RXRG: variants seen among roughly 807,000 people sequenced by gnomAD.
RXRG encodes the protein retinoid X receptor gamma.
In RXRG, 19 loss-of-function variants were observed where a neutral mutation model predicts 49.2. The ratio of observed to expected loss-of-function variants is 0.39; its 90% CI spans 0.27 to 0.57. The LOEUF (loss-of-function observed/expected upper bound fraction) is 0.57. Ranked by LOEUF, RXRG falls within the 20% of genes least tolerant of loss-of-function variation. The probability of loss-of-function intolerance (pLI) is 0.64; values close to 1 mark genes in which losing one functional copy is unlikely to be tolerated. For synonymous variants in RXRG, 224 were observed against 216.6 expected (o/e 1.03, Z -0.30); for missense variants, 452 against 592.5 (o/e 0.76, Z 2.46).
At chr1:165,423,948 T>A (rs1658402995) in intron 2 of RXRG, among the ~76,000 whole-genome samples, 1 of 152,160 alleles carries the variant, frequency 6.6e-6, no homozygotes, top group Admixed American at 6.5e-5. Flanking sequence ...ATAATTCAGT[T>A]ATCAATAAAT....
intron 3 of RXRG, among the ~76,000 whole-genome samples, chr1:165,417,592 G>T (rs989525744): frequency 1.3e-5 from 2 of 152,058 alleles, no homozygotes; most frequent in African/African-American, 4.8e-5. Context: ...TGCTTGTCAC[G>T]TATTACCTAG....
rs376139661 is a variant in RXRG at position 165,407,193 on chromosome 1, G to A, written c.1139-276C>T. ...GCTTAATTTTATCCGGACCATTCTC[G>A]AAATATTACCTGCACACATTTACCG... On this transcript the variant is annotated intron_variant, in intron 8 of 9. Coordinates refer to ENST00000359842, the MANE Select transcript of RXRG (RefSeq NM_006917.5). Among the ~76,000 whole-genome samples the A allele has an allele frequency of 1.3e-3, 196 of 152,230 alleles. 4 individuals are homozygous for A. In the South Asian group the frequency reaches 0.035, roughly 27 times the overall value.
chr1:165,439,265 G>A (rs1007468711), intron 1 of RXRG, among the ~76,000 whole-genome samples: 1 of 129,154 alleles, frequency 7.7e-6, no homozygotes, highest in Non-Finnish European at 1.6e-5. Context: ...AGGGGAGGGG[G>A]GCGGGGGTGG....
intron 1 of RXRG, among the ~76,000 whole-genome samples, chr1:165,429,806 T>C (rs1245423040): frequency 3.3e-5 from 5 of 151,820 alleles, no homozygotes; most frequent in Non-Finnish European, 7.4e-5. Flanking sequence ...GGTGAGGAGG[T>C]CATCAGTATC....
intron 1 of RXRG, among the ~76,000 whole-genome samples, chr1:165,433,641 G>T (rs748789193): frequency 3.5e-4 from 54 of 152,218 alleles, no homozygotes; most frequent in Admixed American, 1.2e-3. Flanking sequence ...ATTTCCCCCA[G>T]TAAGGAGCTG....
intron 9 of RXRG, among the ~76,000 whole-genome samples, chr1:165,402,575 G>A (rs757417892): frequency 1.8e-4 from 28 of 151,548 alleles, no homozygotes; most frequent in Non-Finnish European, 3.4e-4. Flanking sequence ...CCATGTGCCC[G>A]CACACACATC....
At chr1:165,410,285 C>A (rs1193118154) in intron 6 of RXRG, among the ~76,000 whole-genome samples, 1 of 152,076 alleles carries the variant, frequency 6.6e-6, no homozygotes, top group Admixed American at 6.5e-5. Context: ...AAATAGGAGG[C>A]AAAAGAAAAT....
Position 165,411,090 on chromosome 1 carries a change from C to T in RXRG, c.642G>A (p.Gln214=). The T allele has an allele frequency of 6.2e-7, 1 of 1,614,048 alleles. No individual in the cohort carries two copies. Among genetic ancestry groups the T allele is most frequent in the Non-Finnish European group, 8.5e-7 (1 of 1,179,962 alleles). Residue 214 remains glutamine (Q), a synonymous_variant, in exon 5 of 10, where the codon CAG becomes CAA. Transcript: ENST00000359842. ...CACTCTCAGCTCGCTCTCGGCTCCT[C>T]TGTCTTTCTTCTTGCACAGCTGACA... is the stretch of plus-strand genomic sequence containing the variant. The part of the protein sequence containing the change: ...MKREAVQEER[Q]RSRERAESEA...
In RXRG at chr1:165,428,905, C is replaced by A. The variant is rs374305512; in HGVS notation, c.111G>T (p.Lys37Asn). 2 of 1,613,920 alleles carry A rather than the reference C, an allele frequency of 1.2e-6. No homozygotes were observed. The highest frequency in any genetic ancestry group is 8.5e-7 in the Non-Finnish European group (1 of 1,179,962). Residue 37 changes from lysine (K) to asparagine (N), a missense_variant, in exon 2 of 10, where the codon AAG becomes AAT. By Grantham distance (94) the Lys-to-Asn change is moderately conservative. Transcript: ENST00000359842. The stretch of plus-strand genomic sequence containing the variant: ...TGTAGCTGGGGTGGCTGTCCATTGG[C>A]TTCCCTGTGGACAAGGCTGCTGATG... ...MSPSAALSTG[K>N]PMDSHPSYTD...
chr1:165,427,550 C>T (rs1658528585), intron 2 of RXRG, among the ~76,000 whole-genome samples: 1 of 152,228 alleles, frequency 6.6e-6, no homozygotes, highest in Non-Finnish European at 1.5e-5. Context: ...TCAAGCAATT[C>T]TCCTGCCTCA....
chr1:165,431,614 C>A (rs2101738331), intron 1 of RXRG, among the ~76,000 whole-genome samples: 1 of 152,296 alleles, frequency 6.6e-6, no homozygotes, highest in South Asian at 2.1e-4. Flanking sequence ...GACCACCCTG[C>A]AACTTTCCTT....
chr1:165,404,927 T>G (rs1657697414), intron 9 of RXRG, among the ~76,000 whole-genome samples: 1 of 152,082 alleles, frequency 6.6e-6, no homozygotes, highest in Admixed American at 6.6e-5. Context: ...CCTGGCTAAT[T>G]TTTGTATTAT....
chr1:165,422,547 G>C (rs982327278), intron 2 of RXRG, among the ~76,000 whole-genome samples: 8 of 152,220 alleles, frequency 5.3e-5, no homozygotes, highest in Non-Finnish European at 1.2e-4. Context: ...TGGGCAGAAG[G>C]CTTTGAGAGC....
chr1:165,432,490 G>T (rs948197921), intron 1 of RXRG, among the ~76,000 whole-genome samples: 1 of 152,170 alleles, frequency 6.6e-6, no homozygotes, highest in African/African-American at 2.4e-5. Flanking sequence ...TATGACAAAA[G>T]TGTTTCTCAA....
intron 4 of RXRG, among the ~76,000 whole-genome samples, chr1:165,412,636 C>T (rs887585247): frequency 5.3e-5 from 8 of 152,172 alleles, no homozygotes; most frequent in African/African-American, 1.9e-4. Flanking sequence ...GAAATAATAT[C>T]GTAAGGATGA....
chr1:165,427,177 C>A (rs1172072546), intron 2 of RXRG, among the ~76,000 whole-genome samples: 1 of 152,210 alleles, frequency 6.6e-6, no homozygotes, highest in Non-Finnish European at 1.5e-5. Flanking sequence ...GTCAAGTTGA[C>A]ACATAAAGGC....
intron 7 of RXRG, 90 bp from the exon 8 acceptor site, chr1:165,408,408 C>T (rs991376274): frequency 1.4e-5 from 12 of 877,840 alleles, no homozygotes; most frequent in African/African-American, 3.3e-5. Flanking sequence ...TTTTATAAGC[C>T]CACTCTGTTT....
intron 1 of RXRG, among the ~76,000 whole-genome samples, chr1:165,434,109 T>C (rs1658757002): frequency 6.6e-6 from 1 of 152,190 alleles, no homozygotes; most frequent in South Asian, 2.1e-4. Flanking sequence ...CAAATAGGCC[T>C]AACTCAGAGG....
chr1:165,426,728 T>G (rs1658497833), intron 2 of RXRG, among the ~76,000 whole-genome samples: 1 of 152,164 alleles, frequency 6.6e-6, no homozygotes, highest in Admixed American at 6.5e-5. Flanking sequence ...AAACAGAATC[T>G]ATAGGAGGTG....
Sources: gnomAD v4.1 joint callset for allele counts (sites outside exome capture counted in the v4.1 genomes callset) on GRCh38, gnomAD v4.1.1 for gene constraint, MANE v1.5 for transcripts, NCBI Gene and HGNC (gene_info 2026-07-23, HGNC 2026-07-21) for gene names.